Variants in SRGAP3 observed in about 807,000 individuals in gnomAD.
SRGAP3 encodes SLIT-ROBO Rho GTPase activating protein 3.
In SRGAP3, 39 loss-of-function variants were observed where a neutral mutation model predicts 121.1. That is an observed-to-expected ratio of 0.32 (90% CI 0.25 to 0.42). The LOEUF is 0.42. Among genes scored for constraint, SRGAP3 ranks in the 10% least tolerant of loss-of-function variants. The probability of loss-of-function intolerance (pLI) is 1.00; values close to 1 mark genes in which losing one functional copy is unlikely to be tolerated. For missense variants in SRGAP3, 1,213 were observed against 1,470.6 expected, an observed-to-expected ratio of 0.82 and a Z score of 2.86; for synonymous variants, 601 against 570.0, an observed-to-expected ratio of 1.05 and a Z score of -0.77.
intron 3 of SRGAP3, among the ~76,000 whole-genome samples, chr3:9,292,405 C>T (rs578036639): frequency 2.0e-5 from 3 of 152,270 alleles, no homozygotes; most frequent in East Asian, 3.9e-4. Flanking sequence ...TCCTTTTCTG[C>T]CCTCCATGAA....
chr3:9,142,827 TCC>T (rs1949901368), intron 1 of SRGAP3, among the ~76,000 whole-genome samples: 1 of 136,886 alleles, frequency 7.3e-6, no homozygotes, highest in Non-Finnish European at 1.6e-5. Context: ...GTGGGCAATT[TCC>T]TTTTTTTTTT....
chr3:9,187,780 C>T (rs965915986), intron 1 of SRGAP3, among the ~76,000 whole-genome samples: 8 of 152,204 alleles, frequency 5.3e-5, no homozygotes, highest in Non-Finnish European at 8.8e-5. Context: ...TTTCACCGAA[C>T]GCTCGCTCAC....
chr3:9,105,509 G>C (rs1227666238), intron 2 of SRGAP3, among the ~76,000 whole-genome samples: 1 of 152,204 alleles, frequency 6.6e-6, no homozygotes, highest in East Asian at 1.9e-4. Context: ...GCTGAAGCAG[G>C]GGTTCTTAAA....
chr3:9,098,470 T>C (rs1948077533), intron 3 of SRGAP3, among the ~76,000 whole-genome samples: 1 of 152,098 alleles, frequency 6.6e-6, no homozygotes, highest in Admixed American at 6.6e-5. Context: ...GTGTCCCTGT[T>C]TTCCAGGCTG....
chr3:9,265,765 CT>C (rs1251161914), intron 3 of SRGAP3, among the ~76,000 whole-genome samples: 11 of 152,164 alleles, frequency 7.2e-5, no homozygotes, highest in African/African-American at 2.7e-4. Context: ...CACTTTTACA[CT>C]GTTGGTGGGA....
At chr3:9,031,658 C>A (rs1490896175) in intron 12 of SRGAP3, among the ~76,000 whole-genome samples, 2 of 152,194 alleles carry the variant, frequency 1.3e-5, no homozygotes, top group Non-Finnish European at 2.9e-5. Flanking sequence ...CTTTTGCTGT[C>A]CTGCAAGTCT....
intron 2 of SRGAP3, among the ~76,000 whole-genome samples, chr3:9,113,254 C>T (rs950524501): frequency 2.6e-5 from 4 of 152,142 alleles, no homozygotes; most frequent in Admixed American, 1.3e-4. Flanking sequence ...ATCAAGGTGT[C>T]GGCAGGGTTG....
intron 12 of SRGAP3, among the ~76,000 whole-genome samples, chr3:9,029,702 T>C (rs1574939742): frequency 6.6e-6 from 1 of 152,376 alleles, no homozygotes; most frequent in Admixed American, 6.5e-5. Flanking sequence ...TACATTATAC[T>C]GCCTTTTCAT....
chr3:9,351,597 A>C (rs2030157225), intron 1 of SRGAP3, among the ~76,000 whole-genome samples: 1 of 152,182 alleles, frequency 6.6e-6, no homozygotes, highest in South Asian at 2.1e-4. Flanking sequence ...CTGCGTAACA[A>C]AGTTTTAGTG....
intron 1 of SRGAP3, among the ~76,000 whole-genome samples, chr3:9,210,558 C>A (rs1484457770): frequency 6.6e-6 from 1 of 152,090 alleles, no homozygotes; most frequent in Non-Finnish European, 1.5e-5. Context: ...GGCACAATGG[C>A]TGACACCTAT....
chr3:9,309,497 T>C (rs1242049024), intron 3 of SRGAP3, among the ~76,000 whole-genome samples: 6 of 152,156 alleles, frequency 3.9e-5, no homozygotes, highest in Non-Finnish European at 7.4e-5. Context: ...CCTCCAACCC[T>C]GCGCTTTCAG....
intron 1 of SRGAP3, among the ~76,000 whole-genome samples, chr3:9,209,502 T>C (rs930709263): frequency 3.1e-4 from 47 of 152,224 alleles, no homozygotes; most frequent in African/African-American, 1.1e-3. Flanking sequence ...CCGGCCCATA[T>C]TGACAAGTGT....
intron 3 of SRGAP3, among the ~76,000 whole-genome samples, chr3:9,305,557 CCA>C (rs906214670): frequency 1.3e-5 from 2 of 151,790 alleles, no homozygotes. Flanking sequence ...TATCCGTCCC[CCA>C]GTCTCCCACC....
intron 4 of SRGAP3, among the ~76,000 whole-genome samples, chr3:9,069,321 A>G (rs753592454): frequency 6.6e-6 from 1 of 152,110 alleles, no homozygotes; most frequent in Non-Finnish European, 1.5e-5. Context: ...AGTGCTGTCA[A>G]CTGCAAATTA....
At chr3:9,349,146 G>A (rs1274485651) in intron 1 of SRGAP3, 7 of 771,816 alleles carry the variant, frequency 9.1e-6, no homozygotes, top group African/African-American at 6.8e-5. Context: ...GAGACCATGC[G>A]TAAAGCCATG....
chr3:9,221,660 C>G (rs1227425809), intron 1 of SRGAP3, among the ~76,000 whole-genome samples: 1 of 152,002 alleles, frequency 6.6e-6, no homozygotes, highest in East Asian at 1.9e-4. Context: ...CTGGCTCTGT[C>G]CATGCTGATC....
intron 6 of SRGAP3, 180 bp downstream of exon 6, chr3:9,060,051 G>C (rs900944700): frequency 9.4e-6 from 9 of 954,028 alleles, no homozygotes; most frequent in Non-Finnish European, 1.3e-5. Flanking sequence ...TAGACACCAC[G>C]AGGTAACATT....
At chr3:9,058,528 G>T in intron 6 of SRGAP3, 56 bp from the exon 7 acceptor site, 2 of 1,541,052 alleles carry the variant, frequency 1.3e-6, no homozygotes, top group South Asian at 1.1e-5. Context: ...GTGGAGGGGC[G>T]GTCACTGGCC....
intron 3 of SRGAP3, among the ~76,000 whole-genome samples, chr3:9,097,197 C>T (rs1482890889): frequency 6.6e-6 from 1 of 151,590 alleles, no homozygotes. Context: ...TGCTATGCTG[C>T]CCAAGCTGGT....
Sources: allele counts gnomAD v4.1 joint callset (sites outside exome capture counted in the v4.1 genomes callset), GRCh38; gene constraint gnomAD v4.1.1; transcripts MANE v1.5; gene names NCBI Gene and HGNC (gene_info 2026-07-23, HGNC 2026-07-21).